The following DCC variants were observed in gnomAD, a reference collection of about 807,000 sequenced individuals.
The protein encoded by DCC is netrin receptor DCC.
A neutral mutation model predicts 172.5 loss-of-function variants in DCC; 58 were observed. That is an observed-to-expected ratio of 0.34 (90% CI 0.27 to 0.42). DCC has a LOEUF of 0.42. Ranked by LOEUF, DCC falls within the 10% of genes least tolerant of loss-of-function variation. The probability of loss-of-function intolerance (pLI) is 1.00; values close to 1 mark genes in which losing one functional copy is unlikely to be tolerated. For synonymous variants in DCC, 709 were observed against 644.5 expected (o/e 1.10, Z -1.52); for missense variants, 1,740 against 1,791.0 (o/e 0.97, Z 0.51).
intron 2 of DCC, among the ~76,000 whole-genome samples, chr18:52,834,909 A>ATATATG (rs58716712): frequency 0.43 from 65,330 of 151,188 alleles, 14,263 homozygotes; most frequent in South Asian, 0.55. Flanking sequence ...TGCATACACT[A>ATATATG]TATATGTATA....
intron 1 of DCC, among the ~76,000 whole-genome samples, chr18:52,601,673 C>T (rs1218187497): frequency 6.6e-6 from 1 of 152,100 alleles, no homozygotes; most frequent in Non-Finnish European, 1.5e-5. Flanking sequence ...CTCTAACCCT[C>T]TCTCCTACAT....
At chr18:53,101,477 G>C (rs958117798) in intron 7 of DCC, among the ~76,000 whole-genome samples, 2 of 151,860 alleles carry the variant, frequency 1.3e-5, no homozygotes, top group Non-Finnish European at 2.9e-5. Flanking sequence ...AATATTTTTA[G>C]GCCTGAAAAA....
chr18:53,054,776 T>C (rs1240976641), intron 5 of DCC, among the ~76,000 whole-genome samples: 1 of 152,136 alleles, frequency 6.6e-6, no homozygotes, highest in African/African-American at 2.4e-5. Context: ...CCACAGCACA[T>C]ACAGCTGAAT....
At chr18:53,119,790 G>A (rs2043457824) in intron 7 of DCC, among the ~76,000 whole-genome samples, 1 of 151,752 alleles carries the variant, frequency 6.6e-6, no homozygotes, top group African/African-American at 2.4e-5. Flanking sequence ...CATCACCGCT[G>A]TTGGTGCTGC....
At chr18:53,349,784 TG>T (rs994041620) in intron 15 of DCC, among the ~76,000 whole-genome samples, 4 of 152,206 alleles carry the variant, frequency 2.6e-5, no homozygotes, top group Non-Finnish European at 4.4e-5. Flanking sequence ...AGGAAAGTCC[TG>T]CCCCCTTAAT....
At chr18:53,154,769 C>G (rs2054701584) in intron 7 of DCC, among the ~76,000 whole-genome samples, 1 of 152,032 alleles carries the variant, frequency 6.6e-6, no homozygotes, top group South Asian at 2.1e-4. Context: ...GCTGAGAGGA[C>G]AACTTGAATA....
chr18:53,172,174 C>T (rs2055023722), intron 8 of DCC, among the ~76,000 whole-genome samples: 1 of 152,164 alleles, frequency 6.6e-6, no homozygotes, highest in South Asian at 2.1e-4. Flanking sequence ...TTTGCAGCAA[C>T]ACGGATGTAG....
chr18:52,895,104 G>A (rs2039708807), intron 2 of DCC, among the ~76,000 whole-genome samples: 1 of 152,148 alleles, frequency 6.6e-6, no homozygotes, highest in African/African-American at 2.4e-5. Flanking sequence ...GGTGGTGACA[G>A]TGATGTGATG....
At chr18:52,926,964 G>GATATATATATACATATATATAGAT (rs34799526) in intron 5 of DCC, among the ~76,000 whole-genome samples, 1 of 137,636 alleles carries the variant, frequency 7.3e-6, no homozygotes, top group Non-Finnish European at 1.6e-5. Flanking sequence ...ACTATATATG[G>GATATATATATACATATATATAGAT]ATATATATAC....
intron 1 of DCC, among the ~76,000 whole-genome samples, chr18:52,392,358 C>G (rs1161750986): frequency 6.6e-6 from 1 of 152,054 alleles, no homozygotes; most frequent in Non-Finnish European, 1.5e-5. Context: ...GCAACTCAAC[C>G]AATTAGAAAG....
intron 1 of DCC, among the ~76,000 whole-genome samples, chr18:52,396,092 A>G (rs11874302): frequency 6.6e-6 from 1 of 151,872 alleles, no homozygotes; most frequent in African/African-American, 2.4e-5. Flanking sequence ...GCAAACACTA[A>G]TACTGACGCT....
intron 25 of DCC, among the ~76,000 whole-genome samples, chr18:53,475,562 G>T (rs1036205890): frequency 2.0e-5 from 3 of 152,190 alleles, no homozygotes; most frequent in African/African-American, 7.2e-5. Flanking sequence ...GCTTCCTTGT[G>T]GTGTTGAGCC....
At chr18:53,240,026 T>TAAAA (rs68158437) in intron 12 of DCC, among the ~76,000 whole-genome samples, 37 of 68,978 alleles carry the variant, frequency 5.4e-4, no homozygotes, top group East Asian at 3.0e-3. Flanking sequence ...GTTCTAGAGT[T>TAAAA]AAAAAAAAAA....
chr18:53,133,451 C>G lies in DCC; in HGVS notation c.1262-23905C>G, dbSNP rs149834089. Reference sequence around the variant, plus strand: ...TGAGTCCACAGGGTTGGACTGAGTTCAGTGGTAACACATTCTCTACCCCTT... The same window carrying G: ...TGAGTCCACAGGGTTGGACTGAGTTGAGTGGTAACACATTCTCTACCCCTT... On this transcript the variant is annotated intron_variant, in intron 7 of 28. Transcript: ENST00000442544. 1.7e-4 allele frequency among the ~76,000 whole-genome samples: 26 copies of G among 152,284 alleles called. 1 individual carries two copies. In the East Asian group the frequency reaches 4.6e-3, roughly 27 times the overall value.
intron 15 of DCC, among the ~76,000 whole-genome samples, chr18:53,384,837 T>A (rs1908027049): frequency 7.1e-6 from 1 of 140,610 alleles, no homozygotes; most frequent in East Asian, 2.0e-4. Context: ...TAAAGAAGTT[T>A]ACCTCAATAA....
intron 2 of DCC, among the ~76,000 whole-genome samples, chr18:52,777,381 T>C (rs2037453075): frequency 6.6e-6 from 1 of 152,310 alleles, no homozygotes; most frequent in Non-Finnish European, 1.5e-5. Context: ...TTGTGGCTGC[T>C]TCACTCCAAT....
intron 12 of DCC, among the ~76,000 whole-genome samples, chr18:53,248,044 G>T (rs540049350): frequency 1.3e-5 from 2 of 152,028 alleles, no homozygotes; most frequent in Non-Finnish European, 2.9e-5. Context: ...AGAATGTCAG[G>T]AATGTTCAGG....
chr18:53,222,383 C>CTTTTTTTTTTT (rs67373546), intron 12 of DCC, among the ~76,000 whole-genome samples: 7 of 104,170 alleles, frequency 6.7e-5, no homozygotes, highest in Non-Finnish European at 8.8e-5. Context: ...TTTCTTTTTT[C>CTTTTTTTTTTT]TTTTTTTTTT....
At chr18:53,357,204 T>C (rs2057887513) in intron 15 of DCC, among the ~76,000 whole-genome samples, 1 of 152,164 alleles carries the variant, frequency 6.6e-6, no homozygotes, top group Non-Finnish European at 1.5e-5. Context: ...TATATCTATT[T>C]CCTGATTTCT....
Sources: gnomAD v4.1 joint callset for allele counts (sites outside exome capture counted in the v4.1 genomes callset) on GRCh38, gnomAD v4.1.1 for gene constraint, MANE v1.5 for transcripts, NCBI Gene and HGNC (gene_info 2026-07-23, HGNC 2026-07-21) for gene names.